CCDC178: variants seen among roughly 807,000 people sequenced by gnomAD.
CCDC178 encodes the protein coiled-coil domain containing 178.
Under a neutral mutation model 117.4 loss-of-function variants are expected in CCDC178, and 126 were observed. The ratio of observed to expected loss-of-function variants is 1.07; its 90% confidence interval spans 0.93 to 1.24. The LOEUF (loss-of-function observed/expected upper bound fraction) is 1.24, where lower values mean the gene tolerates loss of function less well. CCDC178 is among the 50% of genes most tolerant of loss of function. The pLI is 0.00. For missense variants in CCDC178, 1,030 were observed against 986.9 expected, an observed-to-expected ratio of 1.04 and a Z score of -0.59; for synonymous variants, 283 against 313.4, an observed-to-expected ratio of 0.90 and a Z score of 1.02.
chr18:33,160,394 A>C (rs1452959208), intron 20 of CCDC178, among the ~76,000 whole-genome samples: 8 of 152,124 alleles, frequency 5.3e-5, no homozygotes, highest in Admixed American at 5.2e-4. Flanking sequence ...TGTGTGATTC[A>C]ATTTAAAATG....
chr18:33,133,213 T>C (rs2058086951), intron 20 of CCDC178, among the ~76,000 whole-genome samples: 1 of 151,822 alleles, frequency 6.6e-6, no homozygotes, highest in African/African-American at 2.4e-5. Context: ...CTGTGAGAAA[T>C]GCTCAATAAG....
At chr18:33,223,824 T>C (rs1321379237) in intron 17 of CCDC178, among the ~76,000 whole-genome samples, 1 of 152,272 alleles carries the variant, frequency 6.6e-6, no homozygotes, top group African/African-American at 2.4e-5. Context: ...TTTATCCCAC[T>C]AGATGTTTGT....
intron 15 of CCDC178, among the ~76,000 whole-genome samples, chr18:33,228,232 T>C (rs1240003839): frequency 6.6e-6 from 1 of 152,204 alleles, no homozygotes; most frequent in African/African-American, 2.4e-5. Context: ...GTAAGCAAAG[T>C]GTGTGTTTTA....
intron 21 of CCDC178, among the ~76,000 whole-genome samples, chr18:33,071,763 T>C (rs1034533601): frequency 6.6e-6 from 1 of 152,148 alleles, no homozygotes; most frequent in Admixed American, 6.6e-5. Context: ...CAATTTAAAG[T>C]TGCATTAATA....
At chr18:33,316,443 C>CA (rs2062418736) in intron 11 of CCDC178, among the ~76,000 whole-genome samples, 1 of 152,076 alleles carries the variant, frequency 6.6e-6, no homozygotes, top group Non-Finnish European at 1.5e-5. Flanking sequence ...TGCAGCCTGC[C>CA]ATGCCTGAGC....
chr18:33,059,090 G>A (rs939428266), intron 21 of CCDC178, among the ~76,000 whole-genome samples: 5 of 152,064 alleles, frequency 3.3e-5, no homozygotes, highest in African/African-American at 1.2e-4. Flanking sequence ...TATTTGTGGG[G>A]GCTAATAGCT....
intron 19 of CCDC178, among the ~76,000 whole-genome samples, chr18:33,214,272 G>A (rs1048918994): frequency 6.6e-6 from 1 of 151,966 alleles, no homozygotes; most frequent in South Asian, 2.1e-4. Context: ...GTCATTCAAC[G>A]GTAGCTTTAA....
chr18:33,289,203 TCTC>T (rs2060137528), intron 12 of CCDC178, among the ~76,000 whole-genome samples: 2 of 152,100 alleles, frequency 1.3e-5, no homozygotes, highest in South Asian at 4.2e-4. Flanking sequence ...AGGTTAATAT[TCTC>T]CACACTGCAT....
intron 2 of CCDC178, among the ~76,000 whole-genome samples, chr18:33,415,327 T>C (rs2063921401): frequency 6.6e-6 from 1 of 151,976 alleles, no homozygotes; most frequent in Admixed American, 6.6e-5. Context: ...ATAGACCGGA[T>C]TAAGAAAATG....
chr18:33,263,050 A>G (rs1347592901), intron 14 of CCDC178, among the ~76,000 whole-genome samples: 1 of 152,200 alleles, frequency 6.6e-6, no homozygotes, highest in African/African-American at 2.4e-5. Context: ...TAGAGGTTGA[A>G]CAAATATTCA....
intron 15 of CCDC178, among the ~76,000 whole-genome samples, chr18:33,239,441 G>A (rs2059461041): frequency 6.6e-6 from 1 of 151,110 alleles, no homozygotes; most frequent in South Asian, 2.1e-4. Context: ...CCAACTATAT[G>A]CTGCCTACAG....
chr18:32,988,118 T>TCATAATAAA (rs1555694609), intron 21 of CCDC178, among the ~76,000 whole-genome samples: 55 of 132,882 alleles, frequency 4.1e-4, no homozygotes, highest in African/African-American at 1.5e-3. Flanking sequence ...ATAATAATAA[T>TCATAATAAA]AAATTTATCA....
chr18:33,191,232 T>A (rs1216155345), intron 20 of CCDC178, among the ~76,000 whole-genome samples: 2 of 152,052 alleles, frequency 1.3e-5, no homozygotes, highest in African/African-American at 4.8e-5. Flanking sequence ...TTTGCCATAT[T>A]TATTATTATT....
chr18:33,303,046 G>C (rs2062198627), intron 11 of CCDC178, among the ~76,000 whole-genome samples: 1 of 152,128 alleles, frequency 6.6e-6, no homozygotes, highest in African/African-American at 2.4e-5. Context: ...AAATGTTTGT[G>C]ATAATAGATA....
rs181453141 is a variant in CCDC178, at chr18:32,973,067, C to T, written c.2523+1480G>A. On this transcript the variant is annotated intron_variant, in intron 22 of 22. Transcript: ENST00000383096. ...TTCATTTCCACTGTTATGTAACAGCCATACAAATAAGCAATTTAAAATCAA... is the reference window on the plus strand; with the variant it reads ...TTCATTTCCACTGTTATGTAACAGCTATACAAATAAGCAATTTAAAATCAA... Among the ~76,000 whole-genome samples, 20 of 152,028 alleles carry T rather than the reference C, an allele frequency of 1.3e-4. No individual in the cohort carries two copies. The East Asian group carries it at 3.3e-3, about 25-fold the overall frequency.
At chr18:33,300,622 C>T (rs2144906160) in intron 11 of CCDC178, among the ~76,000 whole-genome samples, 1 of 152,236 alleles carries the variant, frequency 6.6e-6, no homozygotes, top group South Asian at 2.1e-4. Context: ...TAAAGATTAC[C>T]CATGTTACAC....
At chr18:33,273,577 C>T (rs1195458600) in intron 12 of CCDC178, among the ~76,000 whole-genome samples, 5 of 151,462 alleles carry the variant, frequency 3.3e-5, no homozygotes, top group African/African-American at 1.2e-4. Flanking sequence ...CATTAATTAC[C>T]AATTGATTTT....
At chr18:33,256,851 A>G (rs145007791) in intron 14 of CCDC178, among the ~76,000 whole-genome samples, 1 of 152,122 alleles carries the variant, frequency 6.6e-6, no homozygotes, top group Non-Finnish European at 1.5e-5. Context: ...AATTTTTACA[A>G]GTTTTGGTGG....
At chr18:33,020,324 T>G (rs901839840) in intron 21 of CCDC178, among the ~76,000 whole-genome samples, 1 of 152,228 alleles carries the variant, frequency 6.6e-6, no homozygotes, top group African/African-American at 2.4e-5. Flanking sequence ...TTAAACAAAT[T>G]ATAGTGATCC....
Sources: allele counts gnomAD v4.1 joint callset (sites outside exome capture counted in the v4.1 genomes callset), GRCh38; gene constraint gnomAD v4.1.1; transcripts MANE v1.5; gene names NCBI Gene and HGNC (gene_info 2026-07-23, HGNC 2026-07-21).